FSTL4: variants seen among roughly 807,000 people sequenced by gnomAD.
FSTL4 encodes follistatin-related protein 4.
Under a neutral mutation model 78.2 loss-of-function variants are expected in FSTL4, and 28 were observed. That is an observed-to-expected ratio of 0.36 (90% confidence interval 0.27 to 0.49). The LOEUF (loss-of-function observed/expected upper bound fraction) is 0.49, where lower values mean the gene tolerates loss of function less well. Among genes scored for constraint, FSTL4 ranks in the 20% least tolerant of loss-of-function variants. FSTL4 has a pLI of 0.98. For synonymous variants in FSTL4, 422 were observed against 440.5 expected (o/e 0.96, Z 0.53); for missense variants, 922 against 1,084.9 (o/e 0.85, Z 2.11).
Position 133,224,150 on chromosome 5 carries a change from C to T in FSTL4, c.1339+40G>A, listed in dbSNP as rs373773139. The T allele has an allele frequency of 2.0e-4, 314 of 1,578,046 alleles. No homozygotes were observed. In the African/African-American group the frequency reaches 3.7e-3, roughly 19 times the overall value. ...ACGGCCCATCATAGAACCAAACACA[C>T]GTGATCACAGGCATGACGCAAAACA... On this transcript the variant is annotated intron_variant, in intron 11 of 15. Transcript: ENST00000265342.
chr5:133,346,958 C>A (rs930743778), intron 4 of FSTL4, among the ~76,000 whole-genome samples: 1 of 152,056 alleles, frequency 6.6e-6, no homozygotes, highest in African/African-American at 2.4e-5. Flanking sequence ...CTCATAACAA[C>A]CTGTTCTTAT....
chr5:133,483,544 T>A (rs1183046696), intron 3 of FSTL4, among the ~76,000 whole-genome samples: 1 of 152,214 alleles, frequency 6.6e-6, no homozygotes, highest in African/African-American at 2.4e-5. Context: ...CTAGTTATCA[T>A]CTATTCTTTC....
rs138290664 is a variant in FSTL4 at position 133,471,233 on chromosome 5, C to T, written c.161-70247G>A. Among the ~76,000 whole-genome samples, 398 of 152,204 alleles carry T rather than the reference C, an allele frequency of 2.6e-3. 2 individuals carry two copies. The highest frequency in any genetic ancestry group is 4.4e-3 in the Non-Finnish European group (298 of 68,008). On this transcript the variant is annotated intron_variant, in intron 3 of 15. Transcript: ENST00000265342. ...CTACCGCGTCTTTGTGTTGGAGGCA[C>T]GCACCTCAATTGCCTCACTCTGATC...
intron 6 of FSTL4, among the ~76,000 whole-genome samples, chr5:133,301,253 G>A (rs1313423170): frequency 6.6e-6 from 1 of 152,180 alleles, no homozygotes; most frequent in African/African-American, 2.4e-5. Flanking sequence ...AAGTGCGCAG[G>A]TCTAGAACTG....
chr5:133,549,931 G>C (rs920872299), intron 3 of FSTL4, among the ~76,000 whole-genome samples: 2 of 152,164 alleles, frequency 1.3e-5, no homozygotes, highest in African/African-American at 4.8e-5. Flanking sequence ...ACACTAGAGA[G>C]GTAGCCTACT....
the FSTL4 span, among the ~76,000 whole-genome samples, chr5:133,754,206 C>A: frequency 6.6e-6 from 1 of 152,178 alleles, no homozygotes; most frequent in African/African-American, 2.4e-5. Context: ...GGAGCCTAGT[C>A]TTCATTTTGT....
the FSTL4 span, among the ~76,000 whole-genome samples, chr5:133,646,047 T>G: frequency 6.6e-6 from 1 of 152,184 alleles, no homozygotes; most frequent in Non-Finnish European, 1.5e-5. Flanking sequence ...AAGAAAGACA[T>G]GGTCCTACCC....
chr5:133,410,056 T>G (rs541023573), intron 3 of FSTL4, among the ~76,000 whole-genome samples: 67 of 152,314 alleles, frequency 4.4e-4, no homozygotes, highest in Admixed American at 1.1e-3. Context: ...ACAAACCTTT[T>G]TCTTTTCCCT....
rs75170975 is a variant in FSTL4 at position 133,314,769 on chromosome 5, G to A, written c.603+1690C>T. The stretch of plus-strand genomic sequence containing the variant: ...ATATCTGTGAAGTGGAATAATAGTC[G>A]TCCCCTCCTTACAGCAGAGGATGGT... On this transcript the variant is annotated intron_variant, in intron 5 of 15. Transcript: ENST00000265342. Among the ~76,000 whole-genome samples the A allele has an allele frequency of 3.3e-3, 499 of 152,050 alleles. 2 individuals are homozygous for A. The highest frequency in any genetic ancestry group is 0.011 in the African/African-American group (473 of 41,480).
intron 3 of FSTL4, among the ~76,000 whole-genome samples, chr5:133,514,196 T>C (rs1243287525): frequency 7.0e-6 from 1 of 143,400 alleles, no homozygotes; most frequent in Non-Finnish European, 1.5e-5. Context: ...ATAATAATAA[T>C]AATAATAATA....
chr5:133,832,052 C>T, the FSTL4 span, among the ~76,000 whole-genome samples: 7 of 152,272 alleles, frequency 4.6e-5, no homozygotes, highest in South Asian at 1.2e-3. Context: ...TGAAATGACT[C>T]GCATTTTCTT....
intron 6 of FSTL4, among the ~76,000 whole-genome samples, chr5:133,270,340 T>C (rs756582376): frequency 9.2e-5 from 14 of 152,154 alleles, no homozygotes; most frequent in Non-Finnish European, 1.6e-4. Flanking sequence ...AAAATAAAAT[T>C]AAGTTGCGGA....
chr5:133,261,482 G>A (rs919730678), intron 6 of FSTL4, among the ~76,000 whole-genome samples: 13 of 152,206 alleles, frequency 8.5e-5, no homozygotes, highest in African/African-American at 3.1e-4. Context: ...TGGGATAAAA[G>A]GTTGGACACG....
chr5:133,786,541 C>T, the FSTL4 span, among the ~76,000 whole-genome samples: 70,826 of 152,024 alleles, frequency 0.47, 18,939 homozygotes, highest in Middle Eastern at 0.67. Context: ...TAGGTGAAGG[C>T]AGGACTGTTT....
At chr5:133,622,125 A>G in the FSTL4 span, among the ~76,000 whole-genome samples, 53 of 152,130 alleles carry the variant, frequency 3.5e-4, no homozygotes, top group Non-Finnish European at 5.7e-4. Context: ...CATTTTAAGA[A>G]TGCTATGTAA....
At chr5:133,622,852 T>G in the FSTL4 span, among the ~76,000 whole-genome samples, 1 of 152,200 alleles carries the variant, frequency 6.6e-6, no homozygotes, top group African/African-American at 2.4e-5. Context: ...AGTCTCTAGC[T>G]TGTTTTTCCA....
chr5:133,649,269 G>C, the FSTL4 span, among the ~76,000 whole-genome samples: 1 of 152,194 alleles, frequency 6.6e-6, no homozygotes, highest in Non-Finnish European at 1.5e-5. Flanking sequence ...GCCTACTGAA[G>C]GACATCTTGG....
chr5:133,503,885 C>T (rs1758557601), intron 3 of FSTL4, among the ~76,000 whole-genome samples: 1 of 152,214 alleles, frequency 6.6e-6, no homozygotes, highest in Non-Finnish European at 1.5e-5. Flanking sequence ...GTTTAATTGA[C>T]TCATAGTTTC....
intron 3 of FSTL4, among the ~76,000 whole-genome samples, chr5:133,488,345 G>C (rs1252412091): frequency 6.6e-6 from 1 of 152,144 alleles, no homozygotes; most frequent in African/African-American, 2.4e-5. Flanking sequence ...ACCTCTGCCT[G>C]CTGGGTTCAA....
Sources: gnomAD v4.1 joint callset for allele counts (sites outside exome capture counted in the v4.1 genomes callset) on GRCh38, gnomAD v4.1.1 for gene constraint, MANE v1.5 for transcripts, NCBI Gene and HGNC (gene_info 2026-07-23, HGNC 2026-07-21) for gene names.